CEP295: variants seen among roughly 807,000 people sequenced by gnomAD.
CEP295 encodes the protein centrosomal protein of 295 kDa.
CEP295 carries 190 observed loss-of-function variants against 291.6 expected under a neutral mutation model. The ratio of observed to expected loss-of-function variants is 0.65; its 90% confidence interval spans 0.58 to 0.73. The LOEUF is 0.73. CEP295 is among the 30% of genes least tolerant of loss of function. The pLI is 0.00. For missense variants in CEP295, 2,863 were observed against 2,949.4 expected (o/e 0.97, Z 0.68); for synonymous variants, 993 against 1,038.8 (o/e 0.96, Z 0.85).
chr11:93,707,916 T>G (rs767835182), intron 18 of CEP295, among the ~76,000 whole-genome samples: 5 of 152,232 alleles, frequency 3.3e-5, no homozygotes, highest in Non-Finnish European at 7.3e-5. Context: ...TTTGAGGGTT[T>G]ATTAAAAAAT....
At chr11:93,718,203 G>A (rs1006675063) in intron 18 of CEP295, among the ~76,000 whole-genome samples, 4 of 152,288 alleles carry the variant, frequency 2.6e-5, no homozygotes, top group Middle Eastern at 3.4e-3. Flanking sequence ...GAGCCACCAC[G>A]CCTGGTCCAG....
chr11:93,687,108 AG>A (rs1565449592), intron 9 of CEP295, among the ~76,000 whole-genome samples: 1 of 152,182 alleles, frequency 6.6e-6, no homozygotes, highest in East Asian at 1.9e-4. Context: ...TTTTAACTGA[AG>A]GGATCTCTGT....
intron 5 of CEP295, among the ~76,000 whole-genome samples, chr11:93,672,103 A>G (rs938781558): frequency 2.0e-5 from 3 of 152,236 alleles, no homozygotes; most frequent in African/African-American, 7.2e-5. Flanking sequence ...GAAGTTAAGT[A>G]ACGTAACCAA....
chr11:93,702,991 C>T lies in CEP295; in HGVS notation c.5596+72C>T, dbSNP rs1952269439. ...TTTTCTACTTTTTTTTTAGATGGAG[C>T]CTTGCTCTGTTGCCCAGGCTGGAAT... On this transcript the variant is annotated intron_variant, in intron 17 of 29. Coordinates refer to ENST00000325212, the MANE Select transcript of CEP295 (RefSeq NM_033395.2). 3 of 1,257,840 alleles carry T rather than the reference C, an allele frequency of 2.4e-6. No homozygotes were observed. In the East Asian group the frequency reaches 7.6e-5, roughly 32 times the overall value. The allele number at this position is 1,257,840 out of a possible 1,614,324, so 77.9% of individuals were successfully genotyped here.
chr11:93,664,805 C>G (rs1307149815), intron 1 of CEP295, among the ~76,000 whole-genome samples: 1 of 152,156 alleles, frequency 6.6e-6, no homozygotes, highest in Non-Finnish European at 1.5e-5. Flanking sequence ...TCTGTTTACA[C>G]CTGGTTGAAA....
intron 7 of CEP295, among the ~76,000 whole-genome samples, chr11:93,681,241 T>G (rs117818088): frequency 0.52 from 75,114 of 143,278 alleles, 19,868 homozygotes; most frequent in Non-Finnish European, 0.57. Flanking sequence ...TGTGTTGTTT[T>G]TTTTTTTTTT....
At chr11:93,694,198 A>G (rs1471415525) in intron 12 of CEP295, among the ~76,000 whole-genome samples, 2 of 152,246 alleles carry the variant, frequency 1.3e-5, no homozygotes, top group Non-Finnish European at 2.9e-5. Flanking sequence ...CTCTTTATAT[A>G]AGAAAACAAC....
intron 6 of CEP295, among the ~76,000 whole-genome samples, chr11:93,678,517 CATTA>C (rs1950809321): frequency 6.6e-6 from 1 of 152,138 alleles, no homozygotes; most frequent in Admixed American, 6.5e-5. Context: ...TTTTGGTCAT[CATTA>C]ATTGTTTCAA....
chr11:93,729,691 A>C lies in CEP295; in HGVS notation c.7477A>C (p.Arg2493=), dbSNP rs1225095258. Residue 2493 remains arginine (R), a synonymous_variant, in exon 27 of 30, where the codon AGA becomes CGA. Coordinates refer to ENST00000325212, the MANE Select transcript of CEP295 (RefSeq NM_033395.2). ...AAAGAGGAAAAAATCATTTATGGAGAGATCCCACCAGAGGCAGAAAGAAAT... is the reference window on the plus strand; with the variant it reads ...AAAGAGGAAAAAATCATTTATGGAGCGATCCCACCAGAGGCAGAAAGAAAT... ...FIKRKKSFME[R]SHQRQKEIRN... 6.5e-7 allele frequency: 1 copy of C among 1,550,128 alleles called. No homozygotes were observed. The highest frequency in any genetic ancestry group is 1.2e-5 in the South Asian group (1 of 83,976).
chr11:93,672,057 T>TTTGTTAA (rs1950477027), intron 5 of CEP295, among the ~76,000 whole-genome samples: 2 of 152,342 alleles, frequency 1.3e-5, no homozygotes, highest in Admixed American at 1.3e-4. Context: ...GCATGTTAGA[T>TTTGTTAA]ATTTCCATTT....
At chr11:93,721,122 T>G (rs967404309) in intron 18 of CEP295, among the ~76,000 whole-genome samples, 190 bp from the exon 19 acceptor site, 9 of 152,260 alleles carry the variant, frequency 5.9e-5, no homozygotes, top group Non-Finnish European at 1.2e-4. Flanking sequence ...TATATTGTGC[T>G]GACTAGTGAA....
chr11:93,693,175 G>C (rs868804412), intron 12 of CEP295, among the ~76,000 whole-genome samples: 85 of 151,614 alleles, frequency 5.6e-4, no homozygotes, highest in African/African-American at 2.0e-3. Context: ...TACTCAGGAG[G>C]CTGAGGCAGG....
At chr11:93,681,872 T>TTA in intron 7 of CEP295, among the ~76,000 whole-genome samples, 1 of 151,524 alleles carries the variant, frequency 6.6e-6, no homozygotes, top group South Asian at 2.1e-4. Flanking sequence ...TTTTTTTTTT[T>TTA]AACCTCCCCT....
At position 93,698,589 on chromosome 11, in the gene CEP295, A is replaced by T; in HGVS notation, c.3677A>T (p.Asp1226Val). 6.4e-7 allele frequency: 1 copy of T among 1,552,098 alleles called. No individual in the cohort carries two copies. The change falls in exon 15 of 30, where the codon GAC becomes GTC. Residue 1226 changes from aspartate to valine, a missense_variant. Physicochemically the swap from Asp to Val is radical, Grantham distance 152 (BLOSUM62 -3). Around this residue, in one of 3 missense-constraint regions of CEP295, gnomAD observed 2,295 missense variants for 2,335.7 expected, o/e 0.98. Coordinates refer to ENST00000325212, the MANE Select transcript of CEP295 (RefSeq NM_033395.2). ...RFQECISIKS[D>V]STIPLSHPKI... ...CAGGAATGTATATCAATCAAGAGTG[A>T]CAGTACCATTCCCTTAAGCCATCCT...
At chr11:93,694,523 A>G (rs1280738207) in intron 12 of CEP295, among the ~76,000 whole-genome samples, 4 of 152,170 alleles carry the variant, frequency 2.6e-5, no homozygotes, top group Non-Finnish European at 4.4e-5. Context: ...GACATATCAA[A>G]ATTGCCAGCA....
intron 10 of CEP295, among the ~76,000 whole-genome samples, chr11:93,691,352 A>G (rs1006869747): frequency 2.0e-5 from 3 of 152,226 alleles, no homozygotes; most frequent in African/African-American, 7.2e-5. Flanking sequence ...TCAAAGATAC[A>G]TTGACATTTT....
rs374210234 is a variant in CEP295 at position 93,701,597 on chromosome 11, TTTTG to T, written c.5275-843_5275-840del. On this transcript the variant is annotated intron_variant, in intron 15 of 29. Coordinates refer to ENST00000325212, the MANE Select transcript of CEP295 (RefSeq NM_033395.2). ...GAGGCTAAGTTTTTTTTTGTTTGTT[TTTTG>T]TTTGTTTGTTTGTTTGTTTTTGAGA... 1.4e-3 allele frequency among the ~76,000 whole-genome samples: 208 copies of T among 152,138 alleles called. 1 individual carries two copies. The highest frequency in any genetic ancestry group is 6.8e-3 in the Middle Eastern group (2 of 294).
At chr11:93,706,657 A>T (rs1398988314) in intron 17 of CEP295, 88 bp from the exon 18 acceptor site, 4 of 1,141,868 alleles carry the variant, frequency 3.5e-6, no homozygotes, top group Non-Finnish European at 4.9e-6. Context: ...TTAAGAGCTT[A>T]GATTTCTACC....
intron 9 of CEP295, among the ~76,000 whole-genome samples, chr11:93,685,708 G>GTTTGTT (rs1490656885): frequency 6.6e-6 from 1 of 151,798 alleles, no homozygotes; most frequent in Non-Finnish European, 1.5e-5. Context: ...GTCTTTGTTT[G>GTTTGTT]TTTGTTTGTT....
Sources: allele counts gnomAD v4.1 joint callset (sites outside exome capture counted in the v4.1 genomes callset), GRCh38; gene constraint gnomAD v4.1.1; regional missense constraint gnomAD v4.1.1; transcripts MANE v1.5; gene names NCBI Gene and HGNC (gene_info 2026-07-23, HGNC 2026-07-21).